AP2A2: variants seen among roughly 807,000 people sequenced by gnomAD.
AP2A2 encodes the protein AP-2 complex subunit alpha-2.
A neutral mutation model predicts 104.2 loss-of-function variants in AP2A2; 32 were observed. The observed-to-expected ratio is 0.31, with a 90% CI of 0.23 to 0.41. The LOEUF (loss-of-function observed/expected upper bound fraction) is 0.41. Among genes scored for constraint, AP2A2 ranks in the 10% least tolerant of loss-of-function variants. AP2A2 has a pLI of 1.00. For missense variants in AP2A2, 912 were observed against 1,261.0 expected (o/e 0.72, Z 4.19); for synonymous variants, 539 against 533.3 (o/e 1.01, Z -0.15).
chr11:942,923 A>G (rs1170227583), intron 1 of AP2A2, among the ~76,000 whole-genome samples: 1 of 152,026 alleles, frequency 6.6e-6, no homozygotes, highest in Non-Finnish European at 1.5e-5. Context: ...GTGTTTCAGG[A>G]CCTGAGAGGC....
rs1853240296 is a variant in AP2A2, at chr11:930,102, C to T, written c.67+4014C>T. Among the ~76,000 whole-genome samples the T allele has an allele frequency of 4.7e-5, 6 of 127,888 alleles. No individual in the cohort carries two copies. In the South Asian group the frequency reaches 1.2e-3, roughly 26 times the overall value. The allele number at this position is 127,888 out of a possible 152,430, so 83.9% of individuals were successfully genotyped here. On this transcript the variant is annotated intron_variant, in intron 1 of 21. Transcript: ENST00000448903. ...TGCCATTGCACTCCAGCCTGGGTGA[C>T]AGAGCGAGACTCTGTCTCAAAAAAA...
chr11:1,006,507 A>C lies in AP2A2; in HGVS notation c.2207-21A>C, dbSNP rs781309608. On this transcript the variant is annotated intron_variant, in intron 16 of 21. Transcript: ENST00000448903. ...AAGTGTGAAATGGTGTGTGTGAAAA[A>C]ATTGTTTTTGTTCCTTCTAGGTCGG... is the stretch of plus-strand genomic sequence containing the variant. 1.9e-6 allele frequency: 3 copies of C among 1,578,360 alleles called. No homozygotes were observed. In the East Asian group the frequency reaches 6.7e-5, roughly 35 times the overall value.
chr11:963,855 G>C (rs7395879), intron 2 of AP2A2, among the ~76,000 whole-genome samples: 76,912 of 151,954 alleles, frequency 0.51, 20,074 homozygotes, highest in Middle Eastern at 0.66. Flanking sequence ...CAAACTTATG[G>C]GCTCAAGAGA....
intron 3 of AP2A2, among the ~76,000 whole-genome samples, chr11:971,094 C>G (rs1168572116): frequency 1.3e-5 from 2 of 152,158 alleles, no homozygotes; most frequent in Admixed American, 1.3e-4. Flanking sequence ...GGTGTTTATT[C>G]AAGCATTTGT....
intron 6 of AP2A2, among the ~76,000 whole-genome samples, chr11:981,733 G>T (rs761285737): frequency 6.6e-6 from 1 of 152,282 alleles, no homozygotes; most frequent in Non-Finnish European, 1.5e-5. Flanking sequence ...CATGTTTGAT[G>T]CTTCATAGAA....
chr11:1,000,523 T>A lies in AP2A2; in HGVS notation c.2048T>A (p.Leu683Gln), dbSNP rs1452774025. 6.5e-7 allele frequency: 1 copy of A among 1,543,922 alleles called. No homozygotes were observed. The highest frequency in any genetic ancestry group is 1.9e-5 in the Admixed American group (1 of 51,768). Reference protein sequence around the residue: ...GPPPSSGGSGLLVDVFSDSAS... With the variant: ...GPPPSSGGSGQLVDVFSDSAS... ...CCACCCTCCTCCGGCGGCAGCGGGC[T>A]GCTCGTGGACGTGTTCTCAGACTCG... The change falls in exon 15 of 22, where the codon CTG (leucine) becomes CAG (glutamine). Residue 683 changes from leucine to glutamine, a missense_variant. This residue lies in a region of AP2A2 where 239 missense variants were observed against 329.8 expected (regional missense o/e 0.72). Transcript: ENST00000448903.
intron 1 of AP2A2, among the ~76,000 whole-genome samples, chr11:941,553 G>C (rs558099404): frequency 6.6e-6 from 1 of 150,718 alleles, no homozygotes; most frequent in Non-Finnish European, 1.5e-5. Flanking sequence ...AAGTGCTGGG[G>C]TTACAGGCAT....
In AP2A2 at chr11:959,374, A is replaced by G. The variant is rs1854351440; in HGVS notation, c.68-63A>G. On this transcript the variant is annotated intron_variant, in intron 1 of 21. Transcript: ENST00000448903. ...GTGAGTTCTGAGTGTCAGTCTTATC[A>G]GGGAAATGGTGTTTCTTTAGAAATC... 40 of 1,143,910 alleles carry G rather than the reference A, an allele frequency of 3.5e-5. No individual in the cohort carries two copies. The South Asian group carries it at 4.7e-4, about 13-fold the overall frequency. The allele number at this position is 1,143,910 out of a possible 1,614,324, so 70.9% of individuals were successfully genotyped here.
At chr11:998,090 T>C (rs923743931) in intron 14 of AP2A2, among the ~76,000 whole-genome samples, 1 of 152,202 alleles carries the variant, frequency 6.6e-6, no homozygotes, top group Non-Finnish European at 1.5e-5. Context: ...GAGGCCACAG[T>C]GTTGGCGGGC....
intron 17 of AP2A2, 143 bp from the exon 18 acceptor site, chr11:1,007,869 G>T: frequency 8.6e-7 from 1 of 1,168,942 alleles, no homozygotes; most frequent in Non-Finnish European, 1.2e-6. Context: ...GGGCCGGGTG[G>T]TGTGGCTGCC....
chr11:932,856 T>G (rs1238245191), intron 1 of AP2A2: 2 of 411,544 alleles, frequency 4.9e-6, no homozygotes, highest in East Asian at 7.5e-5. Flanking sequence ...TACTATTACT[T>G]CTCTTTCCTC....
At chr11:937,965 C>T (rs1378641909) in intron 1 of AP2A2, among the ~76,000 whole-genome samples, 1 of 152,188 alleles carries the variant, frequency 6.6e-6, no homozygotes, top group African/African-American at 2.4e-5. Flanking sequence ...CTGCCTGCCA[C>T]CTTTCTGCCT....
chr11:934,863 C>CT (rs573925246), intron 1 of AP2A2, among the ~76,000 whole-genome samples: 2,473 of 144,098 alleles, frequency 0.017, 49 homozygotes, highest in Admixed American at 0.061. Flanking sequence ...CTTTTCTTTT[C>CT]TTTTTTTTTT....
intron 2 of AP2A2, among the ~76,000 whole-genome samples, chr11:964,919 C>T (rs1428036764): frequency 1.8e-5 from 2 of 111,394 alleles, no homozygotes; most frequent in African/African-American, 6.3e-5. Flanking sequence ...CAGATGGAAG[C>T]GTGGAGGTGG....
intron 1 of AP2A2, among the ~76,000 whole-genome samples, chr11:928,788 C>T (rs996850713): frequency 6.6e-6 from 1 of 152,210 alleles, no homozygotes; most frequent in Non-Finnish European, 1.5e-5. Flanking sequence ...CGGCCCCTTT[C>T]TCGGAATCCT....
chr11:972,215 G>A lies in AP2A2; in HGVS notation c.433G>A (p.Glu145Lys). The A allele has an allele frequency of 6.2e-7, 1 of 1,609,674 alleles. No individual in the cohort carries two copies. Among genetic ancestry groups the A allele is most frequent in the Non-Finnish European group, 8.5e-7 (1 of 1,179,164 alleles). Residue 145 changes from glutamate (E) to lysine (K), a missense_variant, in exon 4 of 22, where the codon GAG becomes AAG. Glu to Lys is a moderately conservative substitution (Grantham distance 56). This residue lies in a region of AP2A2 where 350 missense variants were observed against 487.0 expected (regional missense o/e 0.72). Transcript: ENST00000448903. ...CAGCGTGGGCAGCCGGGAGATGGCC[G>A]AGGCCTTCGCCGGGGAGATCCCTAA... ...IASVGSREMAEAFAGEIPKVL... is the reference protein window; with the variant it reads ...IASVGSREMAKAFAGEIPKVL...
At chr11:979,155 A>T (rs1855155247) in intron 5 of AP2A2, among the ~76,000 whole-genome samples, 1 of 151,272 alleles carries the variant, frequency 6.6e-6, no homozygotes, top group African/African-American at 2.4e-5. Flanking sequence ...GAGGCCTCTT[A>T]CAGTCTCAGT....
At chr11:1,010,400 G>A in intron 21 of AP2A2, 148 bp from the exon 22 acceptor site, 1 of 636,506 alleles carries the variant, frequency 1.6e-6, no homozygotes, top group Non-Finnish European at 2.8e-6. Context: ...CTGACAGTGT[G>A]TGTGGTGCTC....
intron 1 of AP2A2, among the ~76,000 whole-genome samples, chr11:956,053 C>T (rs1305515806): frequency 2.0e-5 from 3 of 152,162 alleles, no homozygotes; most frequent in Non-Finnish European, 4.4e-5. Flanking sequence ...AAAAAAGTGA[C>T]TTAGGGCCAG....
Sources: allele counts gnomAD v4.1 joint callset (sites outside exome capture counted in the v4.1 genomes callset), GRCh38; gene constraint gnomAD v4.1.1; regional missense constraint gnomAD v4.1.1; transcripts MANE v1.5; gene names NCBI Gene and HGNC (gene_info 2026-07-23, HGNC 2026-07-21).